ANTXR1: variants seen among roughly 807,000 people sequenced by gnomAD.
ANTXR1 encodes anthrax toxin receptor 1.
Under a neutral mutation model 78.1 loss-of-function variants are expected in ANTXR1, and 19 were observed. The observed-to-expected ratio is 0.24, with a 90% CI of 0.17 to 0.36. ANTXR1 has a LOEUF of 0.36. Ranked by LOEUF, ANTXR1 falls within the 10% of genes least tolerant of loss-of-function variation. The pLI is 1.00. For missense variants in ANTXR1, 518 were observed against 718.6 expected (o/e 0.72, Z 3.19); for synonymous variants, 273 against 260.5 (o/e 1.05, Z -0.46).
At chr2:69,233,356 C>T (rs932915708) in intron 17 of ANTXR1, among the ~76,000 whole-genome samples, 1 of 151,586 alleles carries the variant, frequency 6.6e-6, no homozygotes, top group African/African-American at 2.4e-5. Flanking sequence ...GTGCAAAAAT[C>T]CTAAATCAAA....
chr2:69,206,793 T>C (rs1168806314), intron 17 of ANTXR1, among the ~76,000 whole-genome samples: 1 of 152,164 alleles, frequency 6.6e-6, no homozygotes, highest in African/African-American at 2.4e-5. Context: ...CAGCACCTCA[T>C]CAGCTGCACT....
intron 1 of ANTXR1, among the ~76,000 whole-genome samples, chr2:69,025,907 T>C (rs1671328436): frequency 6.6e-6 from 1 of 152,238 alleles, no homozygotes; most frequent in African/African-American, 2.4e-5. Flanking sequence ...TATTAACTAT[T>C]GTAAAAGACA....
At chr2:69,101,220 GC>G (rs1311227411) in intron 9 of ANTXR1, among the ~76,000 whole-genome samples, 1 of 152,122 alleles carries the variant, frequency 6.6e-6, no homozygotes, top group Non-Finnish European at 1.5e-5. Context: ...TGCAAAATGA[GC>G]AAACCTGCCT....
intron 1 of ANTXR1, among the ~76,000 whole-genome samples, chr2:69,035,470 C>T (rs956466392): frequency 6.6e-6 from 1 of 152,086 alleles, no homozygotes; most frequent in South Asian, 2.1e-4. Flanking sequence ...AGGTGCAGAT[C>T]GAGATACCCC....
At chr2:69,172,012 T>G (rs554247886) in intron 14 of ANTXR1, among the ~76,000 whole-genome samples, 1 of 152,332 alleles carries the variant, frequency 6.6e-6, no homozygotes, top group African/African-American at 2.4e-5. Context: ...ACCTGTCCCC[T>G]GTCACTCTAT....
At chr2:69,216,027 G>C (rs75634551) in intron 17 of ANTXR1, among the ~76,000 whole-genome samples, 8,088 of 152,274 alleles carry the variant, frequency 0.053, 573 homozygotes, top group African/African-American at 0.16. Context: ...TAAGAGAAAG[G>C]AGATGGCAGG....
At chr2:69,031,518 TG>T (rs984258940) in intron 1 of ANTXR1, among the ~76,000 whole-genome samples, 2 of 152,324 alleles carry the variant, frequency 1.3e-5, no homozygotes, top group South Asian at 2.1e-4. Context: ...TACGTTGATG[TG>T]GGGACAGTCT....
intron 3 of ANTXR1, among the ~76,000 whole-genome samples, chr2:69,055,320 G>A (rs1337231596): frequency 6.6e-6 from 1 of 152,186 alleles, no homozygotes; most frequent in Admixed American, 6.5e-5. Flanking sequence ...GCCTCAACAT[G>A]AGGCCAGATG....
chr2:69,123,130 G>A (rs371144783), intron 11 of ANTXR1, 44 bp downstream of exon 11: 1 of 1,591,674 alleles, frequency 6.3e-7, no homozygotes, highest in Non-Finnish European at 8.6e-7. Flanking sequence ...AGGGAAGAGA[G>A]AGAGGAGGTG....
At chr2:69,165,497 C>T (rs1673803201) in intron 13 of ANTXR1, among the ~76,000 whole-genome samples, 1 of 152,236 alleles carries the variant, frequency 6.6e-6, no homozygotes, top group African/African-American at 2.4e-5. Flanking sequence ...TCCTATTAAC[C>T]AGTCCCAGTC....
At chr2:69,086,352 G>A (rs1316790331) in intron 8 of ANTXR1, among the ~76,000 whole-genome samples, 2 of 152,126 alleles carry the variant, frequency 1.3e-5, no homozygotes, top group African/African-American at 4.8e-5. Flanking sequence ...TATACAACCC[G>A]GACTGGTCCA....
At chr2:69,083,935 C>G (rs547551775) in intron 8 of ANTXR1, among the ~76,000 whole-genome samples, 3 of 152,332 alleles carry the variant, frequency 2.0e-5, no homozygotes, top group African/African-American at 7.2e-5. Context: ...TCAGATTTTG[C>G]AGACACTCAG....
intron 17 of ANTXR1, among the ~76,000 whole-genome samples, chr2:69,243,891 GCATCCAGA>G (rs1317882403): frequency 2.8e-4 from 42 of 152,216 alleles, no homozygotes; most frequent in Admixed American, 2.7e-3. Flanking sequence ...AATTCTGTAG[GCATCCAGA>G]CATGCCAGAG....
chr2:69,096,760 C>T (rs1390572680), intron 9 of ANTXR1, among the ~76,000 whole-genome samples: 1 of 152,188 alleles, frequency 6.6e-6, no homozygotes, highest in Non-Finnish European at 1.5e-5. Context: ...ACTGACAACA[C>T]TGAACCTGTA....
Position 69,152,183 on chromosome 2 carries a change from C to T in ANTXR1, c.966C>T (p.Ile322=). 1 of 1,614,150 alleles carries T rather than the reference C, an allele frequency of 6.2e-7. No homozygotes were observed. The highest frequency in any genetic ancestry group is 8.5e-7 in the Non-Finnish European group (1 of 1,180,022). The change falls in exon 13 of 18, where the codon ATC becomes ATT. Residue 322 remains isoleucine, a synonymous_variant. Transcript: ENST00000303714. ...TGGCCCTGCAGTCTGACGGTTCCAT[C>T]CTGGCCATCGCCCTGCTGATCCTGT... The part of the protein sequence containing the change: ...ITTTHCSDGS[I]LAIALLILFL...
chr2:69,072,623 G>A (rs1290088244), intron 5 of ANTXR1, among the ~76,000 whole-genome samples: 1 of 152,228 alleles, frequency 6.6e-6, no homozygotes, highest in Non-Finnish European at 1.5e-5. Context: ...GGTGGTGTAT[G>A]TGGTCCATTA....
At chr2:69,124,910 G>A (rs1672481833) in intron 12 of ANTXR1, among the ~76,000 whole-genome samples, 1 of 152,142 alleles carries the variant, frequency 6.6e-6, no homozygotes, top group Non-Finnish European at 1.5e-5. Context: ...GGCCTGACCA[G>A]ACGGTAAGAT....
chr2:69,038,799 C>T (rs1365126434), intron 1 of ANTXR1, among the ~76,000 whole-genome samples: 2 of 152,188 alleles, frequency 1.3e-5, no homozygotes, highest in Admixed American at 1.3e-4. Flanking sequence ...CATATTGTAC[C>T]ACTTTTTCAG....
At chr2:69,206,297 C>A (rs1056629135) in intron 17 of ANTXR1, among the ~76,000 whole-genome samples, 1 of 152,170 alleles carries the variant, frequency 6.6e-6, no homozygotes, top group African/African-American at 2.4e-5. Context: ...GGGAATAAAT[C>A]TTTTATAAGC....
Sources: gnomAD v4.1 joint callset for allele counts (sites outside exome capture counted in the v4.1 genomes callset) on GRCh38, gnomAD v4.1.1 for gene constraint, MANE v1.5 for transcripts, NCBI Gene and HGNC (gene_info 2026-07-23, HGNC 2026-07-21) for gene names.